The following MYO5B variants were observed in gnomAD, a reference collection of about 807,000 sequenced individuals.
The protein encoded by MYO5B is unconventional myosin-Vb.
MYO5B carries 143 observed loss-of-function variants against 229.3 expected under a neutral mutation model. That is an observed-to-expected ratio of 0.62 (90% CI 0.54 to 0.72). The LOEUF (loss-of-function observed/expected upper bound fraction) is 0.72. Ranked by LOEUF, MYO5B falls within the 30% of genes least tolerant of loss-of-function variation. The probability of loss-of-function intolerance (pLI) is 0.00; values close to 1 mark genes in which losing one functional copy is unlikely to be tolerated. For missense variants in MYO5B, 2,321 were observed against 2,331.0 expected, an observed-to-expected ratio of 1.00 and a Z score of 0.09; for synonymous variants, 918 against 885.2, an observed-to-expected ratio of 1.04 and a Z score of -0.66.
intron 14 of MYO5B, among the ~76,000 whole-genome samples, chr18:49,941,498 A>G (rs914661020): frequency 6.6e-6 from 1 of 152,166 alleles, no homozygotes; most frequent in African/African-American, 2.4e-5. Flanking sequence ...AGCTCCATGG[A>G]AGGAGATAAA....
Position 49,879,013 on chromosome 18 carries a change from G to C in MYO5B, c.3208C>G (p.Leu1070Val). ...LEEERSRYQN[L>V]VKEYSQLEQR... ...TCCAACTGTGAATATTCCTTCACAA[G>C]GTTCTGGTACCGGGATCGCTCCTCC... Residue 1070 changes from leucine to valine, a missense_variant, in exon 24 of 40, where the codon CTT (leucine) becomes GTT (valine). Around this residue, in one of 2 missense-constraint regions of MYO5B, gnomAD observed 2,113 missense variants for 2,044.7 expected, o/e 1.03. Transcript: ENST00000285039. The C allele has an allele frequency of 6.2e-7, 1 of 1,613,490 alleles. No individual in the cohort carries two copies. The highest frequency in any genetic ancestry group is 8.5e-7 in the Non-Finnish European group (1 of 1,179,924).
chr18:49,877,646 C>A, intron 25 of MYO5B, 117 bp downstream of exon 25: 2 of 1,407,452 alleles, frequency 1.4e-6, no homozygotes, highest in South Asian at 2.4e-5. Context: ...AGAATTAGCC[C>A]CTGGGCACTC....
At chr18:49,917,226 C>G (rs1332467156) in intron 17 of MYO5B, among the ~76,000 whole-genome samples, 1 of 152,208 alleles carries the variant, frequency 6.6e-6, no homozygotes, top group Non-Finnish European at 1.5e-5. Context: ...TTAACCCTTA[C>G]AGCACCTATT....
In MYO5B at chr18:49,902,758, G is replaced by A. The variant is rs375746475; in HGVS notation, c.2647C>T (p.Leu883=). 275 of 1,606,710 alleles carry A rather than the reference G, an allele frequency of 1.7e-4. No individual in the cohort carries two copies. The highest frequency in any genetic ancestry group is 3.3e-4 in the Admixed American group (20 of 60,002). Residue 883 remains leucine (L), a synonymous_variant, in exon 21 of 40, where the codon CTG becomes TTG. Transcript: ENST00000285039. ...TGGATGACAATGGCTGCATCCCGCA[G>A]CCGCTGGAAGTGCCTGCGTGCCATC... is the stretch of plus-strand genomic sequence containing the variant. ...GWMARRHFQR[L]RDAAIVIQCA...
At chr18:49,962,178 G>T (rs2025566779) in intron 12 of MYO5B, 88 bp downstream of exon 12, 1 of 1,565,308 alleles carries the variant, frequency 6.4e-7, no homozygotes, top group Non-Finnish European at 8.8e-7. Flanking sequence ...GCTGATCACA[G>T]ATGAAATTCC....
chr18:50,074,822 GTT>G (rs1272681088), intron 1 of MYO5B, among the ~76,000 whole-genome samples: 41 of 149,174 alleles, frequency 2.7e-4, no homozygotes, highest in African/African-American at 1.0e-3. Flanking sequence ...TTTTTTGGGG[GTT>G]TTTTTGTTTG....
Position 49,877,817 on chromosome 18 carries a change from G to T in MYO5B, c.3342C>A (p.Pro1114=). The part of the protein sequence containing the change: ...QSSLESDSNY[P]SISTSEIGDT... ...CTCCGATCTCAGATGTGGAGATGGA[G>T]GGGTAATTGGAGTCAGATTCTAAGC... Residue 1114 remains proline, a synonymous_variant, in exon 25 of 40, where the codon CCC becomes CCA. Transcript: ENST00000285039. The T allele has an allele frequency of 6.2e-7, 1 of 1,614,168 alleles. No individual in the cohort carries two copies. Among genetic ancestry groups the T allele is most frequent in the Non-Finnish European group, 8.5e-7 (1 of 1,180,014 alleles).
intron 39 of MYO5B, among the ~76,000 whole-genome samples, 175 bp downstream of exon 39, chr18:49,835,169 C>G (rs144445558): frequency 6.6e-6 from 1 of 152,098 alleles, no homozygotes; most frequent in African/African-American, 2.4e-5. Context: ...CAGTAAGTTA[C>G]TCATGGGTGA....
chr18:50,118,449 C>T (rs1287996007), intron 1 of MYO5B, among the ~76,000 whole-genome samples: 1 of 152,174 alleles, frequency 6.6e-6, no homozygotes, highest in Non-Finnish European at 1.5e-5. Flanking sequence ...CATATGCATG[C>T]CCAAATTTGA....
chr18:49,935,147 G>A, intron 16 of MYO5B, among the ~76,000 whole-genome samples: 1 of 152,198 alleles, frequency 6.6e-6, no homozygotes, highest in East Asian at 1.9e-4. Flanking sequence ...AGACCAGGGT[G>A]AGGAACGTGC....
At chr18:50,154,488 G>A (rs2032649883) in intron 1 of MYO5B, among the ~76,000 whole-genome samples, 1 of 152,166 alleles carries the variant, frequency 6.6e-6, no homozygotes, top group Non-Finnish European at 1.5e-5. Context: ...GGAAGATACA[G>A]GTTGAGTAGT....
intron 5 of MYO5B, among the ~76,000 whole-genome samples, chr18:50,000,252 G>A (rs1022492611): frequency 6.6e-6 from 1 of 152,186 alleles, no homozygotes; most frequent in Non-Finnish European, 1.5e-5. Context: ...TGCCTTAGTC[G>A]ATGGGGCTCA....
At chr18:49,880,776 C>G (rs114845171) in intron 22 of MYO5B, among the ~76,000 whole-genome samples, 2 of 152,298 alleles carry the variant, frequency 1.3e-5, no homozygotes, top group South Asian at 4.1e-4. Context: ...GCCTGTGGAT[C>G]GTGACCAAGT....
chr18:49,890,404 G>T (rs767940388), intron 22 of MYO5B, among the ~76,000 whole-genome samples: 6 of 152,152 alleles, frequency 3.9e-5, no homozygotes, highest in Non-Finnish European at 8.8e-5. Flanking sequence ...CTTAACTCTT[G>T]CAGGCAACAT....
intron 1 of MYO5B, among the ~76,000 whole-genome samples, chr18:50,191,551 C>T (rs922844796): frequency 2.0e-5 from 3 of 152,200 alleles, no homozygotes; most frequent in African/African-American, 7.2e-5. Flanking sequence ...GTATTCATTT[C>T]TAACTAAAAA....
At chr18:49,955,370 C>T (rs1050468273) in intron 12 of MYO5B, among the ~76,000 whole-genome samples, 1 of 152,216 alleles carries the variant, frequency 6.6e-6, no homozygotes, top group East Asian at 1.9e-4. Flanking sequence ...TGGGAAGGTG[C>T]TCCCTCCTCT....
In MYO5B at chr18:49,835,359, A is replaced by G. The variant is rs772682302; in HGVS notation, c.5379T>C (p.Phe1793=). 2 of 1,610,090 alleles carry G rather than the reference A, an allele frequency of 1.2e-6. No individual in the cohort carries two copies. The highest frequency in any genetic ancestry group is 8.5e-7 in the Non-Finnish European group (1 of 1,177,884). The change falls in exon 39 of 40, where the codon TTT becomes TTC. Residue 1793 remains phenylalanine (F), a synonymous_variant. Coordinates refer to ENST00000285039, the MANE Select transcript of MYO5B (RefSeq NM_001080467.3). ...NEFEERVTVA[F]IRTIQAQLQE... ...TAAAACTCACCTGGATTGTTCGTAT[A>G]AAGGCCACTGTTACCCGTTCTTCAA...
At chr18:50,058,101 A>C (rs1389097846) in intron 1 of MYO5B, among the ~76,000 whole-genome samples, 2 of 152,358 alleles carry the variant, frequency 1.3e-5, no homozygotes, top group East Asian at 3.9e-4. Flanking sequence ...CCATAAATCA[A>C]GTTTCCTAGG....
intron 20 of MYO5B, among the ~76,000 whole-genome samples, chr18:49,903,691 C>G (rs1290134916): frequency 1.3e-5 from 2 of 152,312 alleles, no homozygotes; most frequent in Non-Finnish European, 2.9e-5. Context: ...ATAGAAGAGA[C>G]AGATGTTCAT....
Sources: gnomAD v4.1 joint callset for allele counts (sites outside exome capture counted in the v4.1 genomes callset) on GRCh38, gnomAD v4.1.1 for gene constraint, gnomAD v4.1.1 regional missense constraint, MANE v1.5 for transcripts, NCBI Gene and HGNC (gene_info 2026-07-23, HGNC 2026-07-21) for gene names.